WWOX: variants seen among roughly 807,000 people sequenced by gnomAD.
The protein encoded by WWOX is WW domain-containing oxidoreductase.
In WWOX, 69 loss-of-function variants were observed where a neutral mutation model predicts 46.2. The ratio of observed to expected loss-of-function variants is 1.49; its 90% CI spans 1.23 to 1.82. WWOX has a LOEUF of 1.82. Among genes scored for constraint, WWOX ranks in the 40% most tolerant of loss-of-function variants. The pLI is 0.00. For missense variants in WWOX, 919 were observed against 542.6 expected (o/e 1.69, Z -6.89); for synonymous variants, 359 against 202.6 (o/e 1.77, Z -6.56).
At chr16:78,440,738 C>T (rs2083426903) in intron 8 of WWOX, among the ~76,000 whole-genome samples, 2 of 151,984 alleles carry the variant, frequency 1.3e-5, no homozygotes, top group African/African-American at 4.8e-5. Context: ...CCTGCCTCAG[C>T]CTCCCAAGTA....
intron 8 of WWOX, among the ~76,000 whole-genome samples, chr16:78,586,923 C>T (rs1365274933): frequency 6.6e-6 from 1 of 152,108 alleles, no homozygotes; most frequent in Non-Finnish European, 1.5e-5. Context: ...ATCCCTTCTC[C>T]CACTTTTCTT....
At chr16:78,851,685 C>T (rs945695755) in intron 8 of WWOX, among the ~76,000 whole-genome samples, 1 of 152,174 alleles carries the variant, frequency 6.6e-6, no homozygotes, top group Non-Finnish European at 1.5e-5. Flanking sequence ...TTTCAAAATA[C>T]AAGGTGACTC....
At chr16:78,647,301 G>A (rs1040723560) in intron 8 of WWOX, among the ~76,000 whole-genome samples, 1 of 152,130 alleles carries the variant, frequency 6.6e-6, no homozygotes, top group African/African-American at 2.4e-5. Flanking sequence ...GTGGATGCTG[G>A]CCCGGCCCAG....
At chr16:78,601,057 G>C (rs1375882286) in intron 8 of WWOX, among the ~76,000 whole-genome samples, 1 of 152,178 alleles carries the variant, frequency 6.6e-6, no homozygotes, top group Non-Finnish European at 1.5e-5. Context: ...ACCTGGGGCA[G>C]GGATGTAAAT....
At position 78,644,223 on chromosome 16, in the gene WWOX, A is replaced by AAATG. The variant is rs541292076; in HGVS notation, c.1056+211498_1056+211501dup. Among the ~76,000 whole-genome samples, 804 of 152,080 alleles carry AAATG rather than the reference A, an allele frequency of 5.3e-3. 2 individuals carry two copies. The highest frequency in any genetic ancestry group is 0.012 in the African/African-American group (499 of 41,434). On this transcript the variant is annotated intron_variant, in intron 8 of 8. Coordinates refer to ENST00000566780, the MANE Select transcript of WWOX (RefSeq NM_016373.4). ...GGCAACGAGCGAAACTCTGTCTCAA[A>AAATG]AATGAATGAATGAATGAATGAATGA...
intron 8 of WWOX, among the ~76,000 whole-genome samples, chr16:78,812,225 A>G (rs2051208256): frequency 6.6e-6 from 1 of 151,972 alleles, no homozygotes; most frequent in South Asian, 2.1e-4. Flanking sequence ...TGACATCCCA[A>G]AGATTGGGGC....
intron 8 of WWOX, among the ~76,000 whole-genome samples, chr16:79,105,793 C>T (rs1314668973): frequency 1.3e-5 from 2 of 151,946 alleles, no homozygotes; most frequent in Non-Finnish European, 2.9e-5. Context: ...CTCCCAAATA[C>T]CTGAGACTAC....
chr16:78,388,619 C>G (rs1597147358), intron 6 of WWOX, among the ~76,000 whole-genome samples: 2 of 133,678 alleles, frequency 1.5e-5, no homozygotes, highest in South Asian at 2.4e-4. Flanking sequence ...TGCACTCCAG[C>G]CTGGCGACAG....
intron 8 of WWOX, among the ~76,000 whole-genome samples, chr16:79,174,189 A>T (rs2050755519): frequency 1.3e-5 from 2 of 152,234 alleles, no homozygotes; most frequent in Non-Finnish European, 2.9e-5. Flanking sequence ...TGATAAAGCA[A>T]GCTTCCCTCA....
chr16:78,299,106 G>A (rs191201599), intron 5 of WWOX, among the ~76,000 whole-genome samples: 1 of 152,138 alleles, frequency 6.6e-6, no homozygotes, highest in Non-Finnish European at 1.5e-5. Flanking sequence ...CTCCAGTGTG[G>A]GTGTTAGTCA....
intron 8 of WWOX, among the ~76,000 whole-genome samples, chr16:78,506,895 G>C (rs76497355): frequency 0.019 from 2,960 of 152,036 alleles, 230 homozygotes; most frequent in Admixed American, 0.15. Context: ...TGTATTTTTA[G>C]TAGAGACGGG....
At chr16:78,578,993 C>G (rs1257234235) in intron 8 of WWOX, among the ~76,000 whole-genome samples, 1 of 152,172 alleles carries the variant, frequency 6.6e-6, no homozygotes, top group Non-Finnish European at 1.5e-5. Flanking sequence ...GAGGCAGTAA[C>G]ATTAGTATTA....
At position 78,440,059 on chromosome 16, in the gene WWOX, A is replaced by G. The variant is rs1441201367; in HGVS notation, c.1056+7307A>G. 2.6e-5 allele frequency among the ~76,000 whole-genome samples: 4 copies of G among 152,226 alleles called. No homozygotes were observed. In the East Asian group the frequency reaches 5.8e-4, roughly 22 times the overall value. On this transcript the variant is annotated intron_variant, in intron 8 of 8. Coordinates refer to ENST00000566780, the MANE Select transcript of WWOX (RefSeq NM_016373.4). ...GTTATAAAGGAGACTAGAAAAGTGC[A>G]TAACTGGCTTTTTGAGCCTCTAGAG...
chr16:78,960,773 C>G (rs893568673), intron 8 of WWOX, among the ~76,000 whole-genome samples: 1 of 152,118 alleles, frequency 6.6e-6, no homozygotes, highest in East Asian at 1.9e-4. Flanking sequence ...TGGGAGTTCT[C>G]TATTTAGTCA....
chr16:78,893,271 C>T (rs144804440), intron 8 of WWOX, among the ~76,000 whole-genome samples: 1 of 152,070 alleles, frequency 6.6e-6, no homozygotes, highest in East Asian at 1.9e-4. Flanking sequence ...TTTTTATCTG[C>T]CAACCTCCCA....
chr16:79,080,629 C>T (rs1166447508), intron 8 of WWOX, among the ~76,000 whole-genome samples: 1 of 152,170 alleles, frequency 6.6e-6, no homozygotes, highest in Non-Finnish European at 1.5e-5. Flanking sequence ...CCAGTATCTA[C>T]ATTTGGTCCA....
intron 8 of WWOX, among the ~76,000 whole-genome samples, chr16:79,058,515 A>G (rs934230115): frequency 1.3e-5 from 2 of 152,168 alleles, no homozygotes; most frequent in African/African-American, 4.8e-5. Context: ...GAAGGAAGGA[A>G]AGGAGGGAGG....
rs1206427075 is a variant in WWOX, at chr16:78,289,937, G to A, written c.517-96923G>A. 4.6e-5 allele frequency among the ~76,000 whole-genome samples: 7 copies of A among 152,306 alleles called. No individual in the cohort carries two copies. The East Asian group carries it at 1.4e-3, about 29-fold the overall frequency. On this transcript the variant is annotated intron_variant, in intron 5 of 8. Coordinates refer to ENST00000566780, the MANE Select transcript of WWOX (RefSeq NM_016373.4). Reference sequence around the variant, plus strand: ...GTAGCCACTTAAAAAATTTTTCTAAGCAATGATGTCATTGTATTTTACTTA... The same window carrying A: ...GTAGCCACTTAAAAAATTTTTCTAAACAATGATGTCATTGTATTTTACTTA...
chr16:78,562,084 C>G (rs74029567), intron 8 of WWOX, among the ~76,000 whole-genome samples: 1 of 152,198 alleles, frequency 6.6e-6, no homozygotes, highest in Non-Finnish European at 1.5e-5. Context: ...ACAAACATCA[C>G]TTCCCCTGCC....
Sources: allele counts gnomAD v4.1 joint callset (sites outside exome capture counted in the v4.1 genomes callset), GRCh38; gene constraint gnomAD v4.1.1; transcripts MANE v1.5; gene names NCBI Gene and HGNC (gene_info 2026-07-23, HGNC 2026-07-21).